Variants in C2orf69 observed in about 807,000 individuals in gnomAD.
C2orf69 encodes chromosome 2 open reading frame 69.
Under a neutral mutation model 29.5 loss-of-function variants are expected in C2orf69, and 19 were observed. The ratio of observed to expected loss-of-function variants is 0.65; its 90% CI spans 0.45 to 0.95. The LOEUF (loss-of-function observed/expected upper bound fraction) is 0.95, where lower values mean the gene tolerates loss of function less well. Ranked by LOEUF, C2orf69 falls within the 40% of genes least tolerant of loss-of-function variation. C2orf69 has a pLI of 0.00. For synonymous variants in C2orf69, 194 were observed against 180.0 expected (o/e 1.08, Z -0.62); for missense variants, 416 against 482.1 (o/e 0.86, Z 1.28).
Position 199,911,323 on chromosome 2 carries a change from C to G in C2orf69, c.-116C>G. On this transcript the variant is annotated 5_prime_UTR_variant, in exon 1 of 2. Coordinates refer to ENST00000319974, the MANE Select transcript of C2orf69 (RefSeq NM_153689.6). ...ACGTCGTCGCCTCAGCGCCGGCTCC[C>G]GGCCGGGCCGCGGCCGCCGACCGTT... 1 of 1,271,636 alleles carries G rather than the reference C, an allele frequency of 7.9e-7. No individual in the cohort carries two copies. Among genetic ancestry groups the G allele is most frequent in the South Asian group, 1.9e-5 (1 of 53,514 alleles). The allele number at this position is 1,271,636 out of a possible 1,614,324, so 78.8% of individuals were successfully genotyped here.
chr2:199,922,563 T>G lies in C2orf69; in HGVS notation c.334-2499T>G, dbSNP rs529337605. Among the ~76,000 whole-genome samples the G allele has an allele frequency of 4.6e-5, 7 of 152,296 alleles. No individual in the cohort carries two copies. In the East Asian group the frequency reaches 1.2e-3, roughly 25 times the overall value. On this transcript the variant is annotated intron_variant, in intron 1 of 1. Coordinates refer to ENST00000319974, the MANE Select transcript of C2orf69 (RefSeq NM_153689.6). ...TATGTAAGTATATCAATGAGATAAA[T>G]TTCTCGAAGAATTACTAAGTCAAAA...
intron 1 of C2orf69, among the ~76,000 whole-genome samples, chr2:199,919,200 C>T (rs913600399): frequency 2.0e-5 from 3 of 152,220 alleles, no homozygotes; most frequent in Non-Finnish European, 4.4e-5. Context: ...AGTGATCCTC[C>T]TGCCTTGGCC....
At chr2:199,924,159 A>G (rs1487369303) in intron 1 of C2orf69, among the ~76,000 whole-genome samples, 2 of 152,200 alleles carry the variant, frequency 1.3e-5, no homozygotes, top group Non-Finnish European at 1.5e-5. Context: ...TATAATACCA[A>G]TACTTTGGAA....
rs912605050 is a variant in C2orf69 at position 199,926,865 on chromosome 2, G to A, written c.*979G>A. On this transcript the variant is annotated 3_prime_UTR_variant, in exon 2 of 2. Coordinates refer to ENST00000319974, the MANE Select transcript of C2orf69 (RefSeq NM_153689.6). ...TTTCATTATATCAGTCTTTTTGAAA[G>A]GATCAACTTGGATAAAATAAATATA... 6.6e-6 allele frequency: 1 copy of A among 152,458 alleles called. No individual in the cohort carries two copies. The highest frequency in any genetic ancestry group is 1.5e-5 in the Non-Finnish European group (1 of 68,020). The allele number at this position is 152,458 out of a possible 1,614,324, so 9.4% of individuals were successfully genotyped here.
chr2:199,913,077 A>T (rs554407834), intron 1 of C2orf69, among the ~76,000 whole-genome samples: 1 of 144,618 alleles, frequency 6.9e-6, no homozygotes, highest in Admixed American at 7.3e-5. Context: ...ATAGATATAG[A>T]TATTCTCTTT....
chr2:199,919,209 C>G (rs962065195), intron 1 of C2orf69, among the ~76,000 whole-genome samples: 9 of 152,210 alleles, frequency 5.9e-5, no homozygotes, highest in African/African-American at 1.9e-4. Context: ...CCTGCCTTGG[C>G]CTCCCAAAGA....
At position 199,911,322 on chromosome 2, in the gene C2orf69, C is replaced by T. The variant is rs977887267; in HGVS notation, c.-117C>T. On this transcript the variant is annotated 5_prime_UTR_variant, in exon 1 of 2. Transcript: ENST00000319974. ...GACGTCGTCGCCTCAGCGCCGGCTCCCGGCCGGGCCGCGGCCGCCGACCGT... is the reference window on the plus strand; with the variant it reads ...GACGTCGTCGCCTCAGCGCCGGCTCTCGGCCGGGCCGCGGCCGCCGACCGT... 1.8e-4 allele frequency: 225 copies of T among 1,271,636 alleles called. No homozygotes were observed. The highest frequency in any genetic ancestry group is 2.2e-4 in the Non-Finnish European group (219 of 982,962). 78.8% of individuals were successfully genotyped at this position (1,271,636 alleles called of 1,614,324 possible). A position where few individuals can be genotyped will look rare whatever the true frequency, so the allele number is the denominator to read the frequency against.
chr2:199,924,861 A>T (rs569983104), intron 1 of C2orf69, among the ~76,000 whole-genome samples: 1 of 152,314 alleles, frequency 6.6e-6, no homozygotes, highest in East Asian at 1.9e-4. Context: ...GATAGATTTC[A>T]GGCTTAAACT....
At chr2:199,923,345 A>G (rs1473866284) in intron 1 of C2orf69, among the ~76,000 whole-genome samples, 1 of 152,208 alleles carries the variant, frequency 6.6e-6, no homozygotes, top group Non-Finnish European at 1.5e-5. Context: ...ACTTGTGGCT[A>G]TTGCCTACTT....
intron 1 of C2orf69, among the ~76,000 whole-genome samples, chr2:199,919,526 A>G (rs2077306046): frequency 6.6e-6 from 1 of 152,120 alleles, no homozygotes. Context: ...TGTGCACTTT[A>G]TGTTTATAAT....
intron 1 of C2orf69, among the ~76,000 whole-genome samples, chr2:199,924,020 TAAAAGG>T (rs1207159420): frequency 6.6e-6 from 1 of 152,164 alleles, no homozygotes; most frequent in Non-Finnish European, 1.5e-5. Flanking sequence ...TGAGTAAAAT[TAAAAGG>T]AAGACAATTT....
chr2:199,919,558 A>G (rs542087695), intron 1 of C2orf69, among the ~76,000 whole-genome samples: 7 of 152,130 alleles, frequency 4.6e-5, no homozygotes, highest in Non-Finnish European at 8.8e-5. Flanking sequence ...TATTTAGCTC[A>G]TGATTCTGGA....
At chr2:199,911,831 T>C in intron 1 of C2orf69, 60 bp downstream of exon 1, 1 of 1,533,352 alleles carries the variant, frequency 6.5e-7, no homozygotes, top group Non-Finnish European at 8.7e-7. Context: ...ACGCGGTCAC[T>C]GATTCTTCCC....
At chr2:199,912,035 C>T (rs1208768829) in intron 1 of C2orf69, among the ~76,000 whole-genome samples, 3 of 152,162 alleles carry the variant, frequency 2.0e-5, no homozygotes, top group Non-Finnish European at 4.4e-5. Flanking sequence ...TCCAGGTTTC[C>T]AAGAGGCGGA....
intron 1 of C2orf69, among the ~76,000 whole-genome samples, chr2:199,922,031 T>TA (rs1553566021): frequency 5.1e-5 from 4 of 78,970 alleles, no homozygotes; most frequent in African/African-American, 1.6e-4. Context: ...ACTGTTATTT[T>TA]TATATATATA....
intron 1 of C2orf69, among the ~76,000 whole-genome samples, chr2:199,921,294 C>T (rs2077315167): frequency 6.6e-6 from 1 of 152,152 alleles, no homozygotes; most frequent in African/African-American, 2.4e-5. Flanking sequence ...ACGTGAGCTA[C>T]TGTGCCCGGC....
At chr2:199,914,056 A>G (rs930370124) in intron 1 of C2orf69, among the ~76,000 whole-genome samples, 7 of 152,200 alleles carry the variant, frequency 4.6e-5, no homozygotes, top group Admixed American at 1.3e-4. Flanking sequence ...TAAGGTGTCA[A>G]TGGAGATTAA....
Position 199,911,733 on chromosome 2 carries a change from C to G in C2orf69, c.295C>G (p.Pro99Ala), listed in dbSNP as rs1226834722. 6.5e-7 allele frequency: 1 copy of G among 1,541,772 alleles called. No homozygotes were observed. Among genetic ancestry groups the G allele is most frequent in the Non-Finnish European group, 8.7e-7 (1 of 1,146,940 alleles). The change falls in exon 1 of 2, where the codon CCC becomes GCC. Residue 99 changes from proline to alanine, a missense_variant. Pro to Ala is a conservative substitution (Grantham distance 27). Around this residue, in one of 4 missense-constraint regions of C2orf69, gnomAD observed 175 missense variants for 139.9 expected, o/e 1.25. Transcript: ENST00000319974. ...AGCGAAGGAGGAGCCGCAGCCGCCG[C>G]CCCAGCATCACGTCCTCTATTTCCC... Reference protein sequence around the residue: ...DPAKEEPQPPPQHHVLYFPGD... With the variant: ...DPAKEEPQPPAQHHVLYFPGD...
Position 199,925,260 on chromosome 2 carries a change from A to C in C2orf69, c.532A>C (p.Asn178His). The C allele has an allele frequency of 6.2e-7, 1 of 1,612,384 alleles. No individual in the cohort carries two copies. The highest frequency in any genetic ancestry group is 8.5e-7 in the Non-Finnish European group (1 of 1,179,788). ...TAACATGTTTGGTGCCCCAGAACAC[A>C]ATACTGACTTTGGAGCTTTTAAGCA... is the stretch of plus-strand genomic sequence containing the variant. The part of the protein sequence containing the change: ...KSNMFGAPEH[N>H]TDFGAFKHLY... The change falls in exon 2 of 2, where the codon AAT becomes CAT. Residue 178 changes from asparagine (N) to histidine (H), a missense_variant. By Grantham distance (68) the Asn-to-His change is moderately conservative (BLOSUM62 1). Around this residue, in one of 4 missense-constraint regions of C2orf69, gnomAD observed 225 missense variants for 307.3 expected, o/e 0.73. Transcript: ENST00000319974. The surrounding 1 kb of genome is among the most constrained non-coding windows in gnomAD (Gnocchi z 4.9).
Sources: gnomAD v4.1 joint callset for allele counts (sites outside exome capture counted in the v4.1 genomes callset) on GRCh38, gnomAD v4.1.1 for gene constraint, gnomAD v4.1.1 regional missense constraint, Gnocchi (gnomAD v3.1) non-coding constraint, MANE v1.5 for transcripts, NCBI Gene and HGNC (gene_info 2026-07-23, HGNC 2026-07-21) for gene names.